The following TMEM132D variants were observed in gnomAD, a reference collection of about 807,000 sequenced individuals.
The protein encoded by TMEM132D is mature OL transmembrane protein.
TMEM132D carries 21 observed loss-of-function variants against 62.3 expected under a neutral mutation model. The observed-to-expected ratio is 0.34, with a 90% CI of 0.24 to 0.49. The LOEUF is 0.49. Ranked by LOEUF, TMEM132D falls within the 20% of genes least tolerant of loss-of-function variation. The pLI is 0.99. For synonymous variants in TMEM132D, 621 were observed against 575.6 expected (o/e 1.08, Z -1.13); for missense variants, 1,346 against 1,402.8 (o/e 0.96, Z 0.65).
chr12:129,455,057 A>T (rs895374009), intron 3 of TMEM132D, among the ~76,000 whole-genome samples: 19 of 152,242 alleles, frequency 1.2e-4, no homozygotes, highest in African/African-American at 4.6e-4. Flanking sequence ...GATGCATGTG[A>T]CCAAAAGCTC....
chr12:129,544,812 G>A (rs1469207186), intron 2 of TMEM132D, among the ~76,000 whole-genome samples: 1 of 152,220 alleles, frequency 6.6e-6, no homozygotes, highest in African/African-American at 2.4e-5. Flanking sequence ...GAGATTAAAA[G>A]TAACACTTAT....
chr12:129,187,890 C>T (rs753661432), intron 5 of TMEM132D, among the ~76,000 whole-genome samples: 2 of 152,202 alleles, frequency 1.3e-5, no homozygotes, highest in Non-Finnish European at 2.9e-5. Flanking sequence ...TCACTGTCAC[C>T]CTATCCTGTA....
intron 3 of TMEM132D, among the ~76,000 whole-genome samples, chr12:129,345,833 G>A (rs1458919353): frequency 1.3e-5 from 2 of 152,158 alleles, no homozygotes; most frequent in African/African-American, 4.8e-5. Flanking sequence ...GCTGGCTTCA[G>A]TTTGCCAGTA....
At chr12:129,825,330 T>A (rs1872634954) in intron 1 of TMEM132D, among the ~76,000 whole-genome samples, 1 of 152,134 alleles carries the variant, frequency 6.6e-6, no homozygotes, top group Admixed American at 6.5e-5. Context: ...AGTCACTTTC[T>A]TCCGTGTCTC....
At chr12:129,845,840 G>A (rs1378691673) in intron 1 of TMEM132D, among the ~76,000 whole-genome samples, 1 of 152,238 alleles carries the variant, frequency 6.6e-6, no homozygotes, top group Non-Finnish European at 1.5e-5. Flanking sequence ...CCCTGGCAGA[G>A]CAGGGCTGCT....
chr12:129,740,860 T>C (rs1423608782), intron 1 of TMEM132D, among the ~76,000 whole-genome samples: 4 of 152,272 alleles, frequency 2.6e-5, no homozygotes, highest in African/African-American at 9.6e-5. Flanking sequence ...GTATTTATAC[T>C]TTCCGGCCAC....
At chr12:129,100,953 C>T (rs934514144) in intron 5 of TMEM132D, among the ~76,000 whole-genome samples, 5 of 152,072 alleles carry the variant, frequency 3.3e-5, no homozygotes, top group African/African-American at 2.4e-5. Flanking sequence ...CAGCACCAGG[C>T]GGTGGCAGGG....
chr12:129,539,301 G>A (rs557141150), intron 2 of TMEM132D, among the ~76,000 whole-genome samples: 4 of 148,660 alleles, frequency 2.7e-5, no homozygotes, highest in East Asian at 2.0e-4. Flanking sequence ...GCACGACCTC[G>A]GCTCACTGCA....
At chr12:129,802,655 A>T (rs1871835866) in intron 1 of TMEM132D, among the ~76,000 whole-genome samples, 1 of 144,570 alleles carries the variant, frequency 6.9e-6, no homozygotes. Context: ...ACCAGCTAAC[A>T]TCATAATGAC....
chr12:129,147,311 T>C (rs192238291), intron 5 of TMEM132D, among the ~76,000 whole-genome samples: 1 of 146,936 alleles, frequency 6.8e-6, no homozygotes, highest in Non-Finnish European at 1.5e-5. Flanking sequence ...TATACATATG[T>C]GTATATGTAT....
At chr12:129,495,497 T>C (rs2398462) in intron 3 of TMEM132D, among the ~76,000 whole-genome samples, 85,855 of 151,922 alleles carry the variant, frequency 0.57, 25,144 homozygotes, top group African/African-American at 0.73. Flanking sequence ...TTCTAGCTGA[T>C]GGGGGTGTGC....
intron 1 of TMEM132D, among the ~76,000 whole-genome samples, chr12:129,721,410 A>G (rs1868825086): frequency 6.6e-6 from 1 of 152,174 alleles, no homozygotes; most frequent in South Asian, 2.1e-4. Flanking sequence ...TGGTGCCCAG[A>G]AATACCCACA....
intron 1 of TMEM132D, among the ~76,000 whole-genome samples, chr12:129,824,384 A>G (rs926013170): frequency 2.0e-5 from 3 of 152,278 alleles, no homozygotes; most frequent in Middle Eastern, 6.8e-3. Context: ...CCATATTTTA[A>G]GCTATCAGCT....
At chr12:129,233,457 T>A (rs1157086497) in intron 4 of TMEM132D, among the ~76,000 whole-genome samples, 1 of 152,198 alleles carries the variant, frequency 6.6e-6, no homozygotes, top group Admixed American at 6.5e-5. Flanking sequence ...TGCCTCATGA[T>A]AAGATGTATT....
intron 3 of TMEM132D, among the ~76,000 whole-genome samples, chr12:129,461,747 A>AGATG (rs1278917148): frequency 6.6e-6 from 1 of 151,714 alleles, no homozygotes; most frequent in Non-Finnish European, 1.5e-5. Flanking sequence ...GTGGGTGGAT[A>AGATG]GATGGATGGA....
chr12:129,296,463 A>G (rs1271432586), intron 4 of TMEM132D, among the ~76,000 whole-genome samples: 8 of 152,210 alleles, frequency 5.3e-5, no homozygotes, highest in Admixed American at 5.2e-4. Flanking sequence ...GCCAAATAGG[A>G]GAATACTTTG....
rs1441127152 is a variant in TMEM132D, at chr12:129,793,399, T to A, written c.80-92701A>T. Among the ~76,000 whole-genome samples, 14 of 152,174 alleles carry A rather than the reference T, an allele frequency of 9.2e-5. No individual in the cohort carries two copies. In the East Asian group the frequency reaches 2.7e-3, roughly 29 times the overall value. On this transcript the variant is annotated intron_variant, in intron 1 of 8. Transcript: ENST00000422113. Reference sequence around the variant, plus strand: ...TTTACTATTATTTTTTGAGACAGGGTCTCGCTCTGTCACCCAGGCTGGAGT... The same window carrying A: ...TTTACTATTATTTTTTGAGACAGGGACTCGCTCTGTCACCCAGGCTGGAGT...
chr12:129,119,434 C>T (rs1875992863), intron 5 of TMEM132D, among the ~76,000 whole-genome samples: 1 of 152,148 alleles, frequency 6.6e-6, no homozygotes, highest in Non-Finnish European at 1.5e-5. Flanking sequence ...CAGAATACTA[C>T]TCCACCATAA....
At chr12:129,272,114 C>T (rs1880869663) in intron 4 of TMEM132D, among the ~76,000 whole-genome samples, 1 of 151,822 alleles carries the variant, frequency 6.6e-6, no homozygotes, top group Non-Finnish European at 1.5e-5. Context: ...ACTAAAACAT[C>T]TCAAGAGTGA....
Sources: gnomAD v4.1 joint callset for allele counts (sites outside exome capture counted in the v4.1 genomes callset) on GRCh38, gnomAD v4.1.1 for gene constraint, MANE v1.5 for transcripts, NCBI Gene and HGNC (gene_info 2026-07-23, HGNC 2026-07-21) for gene names.